IGF2R: variants seen among roughly 807,000 people sequenced by gnomAD.
IGF2R encodes the protein cation-independent mannose-6-phosphate receptor.
IGF2R carries 91 observed loss-of-function variants against 270.6 expected under a neutral mutation model. The ratio of observed to expected loss-of-function variants is 0.34; its 90% CI spans 0.28 to 0.40. The LOEUF is 0.40. IGF2R is among the 10% of genes least tolerant of loss of function. The pLI is 1.00. For synonymous variants in IGF2R, 1,316 were observed against 1,258.9 expected (o/e 1.05, Z -0.96); for missense variants, 2,805 against 3,188.3 (o/e 0.88, Z 2.90).
chr6:160,078,404 G>A (rs1018910511), intron 37 of IGF2R, 42 bp downstream of exon 37: 6 of 1,589,024 alleles, frequency 3.8e-6, no homozygotes, highest in East Asian at 2.2e-5. Flanking sequence ...AGGTGTACCA[G>A]GTGCCAGGTG....
intron 29 of IGF2R, among the ~76,000 whole-genome samples, chr6:160,067,685 T>C (rs1486832931): frequency 6.6e-6 from 1 of 152,238 alleles, no homozygotes; most frequent in Non-Finnish European, 1.5e-5. Flanking sequence ...TCACTGTTAA[T>C]ATTGCTCCTG....
At chr6:160,083,709 G>A (rs1281720149) in intron 39 of IGF2R, among the ~76,000 whole-genome samples, 1 of 152,178 alleles carries the variant, frequency 6.6e-6, no homozygotes, top group African/African-American at 2.4e-5. Context: ...AACAAGGCAC[G>A]TCCTTCACAG....
intron 2 of IGF2R, chr6:160,003,886 G>T (rs1419005288): frequency 6.6e-6 from 1 of 151,800 alleles, no homozygotes; most frequent in East Asian, 2.0e-4. Flanking sequence ...ATTAAATAGG[G>T]TAAGTGTCAC....
chr6:160,105,225 G>A lies in IGF2R; in HGVS notation c.*141G>A. On this transcript the variant is annotated 3_prime_UTR_variant, in exon 48 of 48. Transcript: ENST00000356956. ...AGGGAAGAGTTTTTGTGATGGGGGA[G>A]AGGGTGAAGGAGGTCAGGCCCCACT... 1 of 667,932 alleles carries A rather than the reference G, an allele frequency of 1.5e-6. No homozygotes were observed. The highest frequency in any genetic ancestry group is 1.8e-5 in the African/African-American group (1 of 55,114). The allele number at this position is 667,932 out of a possible 1,614,324, so 41.4% of individuals were successfully genotyped here. A position where few individuals can be genotyped will look rare whatever the true frequency, so the allele number is the denominator to read the frequency against.
chr6:160,089,901 T>C lies in IGF2R; in HGVS notation c.6468-15T>C. On this transcript the variant is annotated splice_polypyrimidine_tract_variant and intron_variant, in intron 43 of 47. Coordinates refer to ENST00000356956, the MANE Select transcript of IGF2R (RefSeq NM_000876.4). ...AAGGACTTCCATGTCACTGTGATCT[T>C]TTCTGTCTCTTCAGGCTGTTCAGAG... 1 of 1,529,680 alleles carries C rather than the reference T, an allele frequency of 6.5e-7. No homozygotes were observed. The highest frequency in any genetic ancestry group is 8.8e-7 in the Non-Finnish European group (1 of 1,136,228). 94.8% of individuals were successfully genotyped at this position (1,529,680 alleles called of 1,614,324 possible). A position where few individuals can be genotyped will look rare whatever the true frequency, so the allele number is the denominator to read the frequency against.
intron 10 of IGF2R, among the ~76,000 whole-genome samples, chr6:160,038,601 G>A (rs1247705584): frequency 2.0e-5 from 3 of 152,112 alleles, no homozygotes; most frequent in African/African-American, 7.2e-5. Flanking sequence ...GAATCTAGTA[G>A]GATTAAACTG....
At position 160,040,664 on chromosome 6, in the gene IGF2R, C is replaced by T. The variant is rs202065634; in HGVS notation, c.1420C>T (p.Leu474Phe). ...CTGTGTTAAGGAGAAGGAAGACCTC[C>T]TCTGCGGTGCCACCGACGGGAAGAA... ...YACVKEKEDL[L>F]CGATDGKKRY... The change falls in exon 11 of 48, where the codon CTC (leucine) becomes TTC (phenylalanine). Residue 474 changes from leucine (L) to phenylalanine (F), a missense_variant. By Grantham distance (22) the Leu-to-Phe change is conservative. Coordinates refer to ENST00000356956, the MANE Select transcript of IGF2R (RefSeq NM_000876.4). 3.3e-5 allele frequency: 53 copies of T among 1,614,220 alleles called. No homozygotes were observed. The Admixed American group carries it at 6.2e-4, about 19-fold the overall frequency.
chr6:159,992,606 AC>A (rs1749568697), intron 2 of IGF2R, among the ~76,000 whole-genome samples: 1 of 151,728 alleles, frequency 6.6e-6, no homozygotes, highest in Non-Finnish European at 1.5e-5. Context: ...AATCACACAC[AC>A]ACACACACAC....
chr6:160,099,853 C>T (rs1244976172), intron 45 of IGF2R, among the ~76,000 whole-genome samples: 1 of 152,096 alleles, frequency 6.6e-6, no homozygotes, highest in Non-Finnish European at 1.5e-5. Flanking sequence ...AAATTTCTTA[C>T]AGTGATAGCA....
intron 39 of IGF2R, among the ~76,000 whole-genome samples, chr6:160,082,548 G>C (rs1406645507): frequency 6.6e-6 from 1 of 152,180 alleles, no homozygotes; most frequent in African/African-American, 2.4e-5. Flanking sequence ...CTGACCTCAT[G>C]ATCCGCCCAC....
intron 1 of IGF2R, among the ~76,000 whole-genome samples, chr6:159,984,313 C>CTTTTTTTTTTAAGTAGATTCAGG (rs1783847760): frequency 6.6e-6 from 1 of 152,148 alleles, no homozygotes; most frequent in African/African-American, 2.4e-5. Flanking sequence ...ATTGTAATGT[C>CTTTTTTTTTTAAGTAGATTCAGG]GTAGCACAAT....
chr6:160,078,353 C>T lies in IGF2R; in HGVS notation c.5469C>T (p.Ser1823=), dbSNP rs750065330. The T allele has an allele frequency of 5.6e-6, 9 of 1,613,968 alleles. 1 individual carries two copies. The highest frequency in any genetic ancestry group is 4.4e-5 in the South Asian group (4 of 91,078). The change falls in exon 37 of 48, where the codon AGC becomes AGT. Residue 1823 remains serine (S), a synonymous_variant. Coordinates refer to ENST00000356956, the MANE Select transcript of IGF2R (RefSeq NM_000876.4). Reference sequence around the variant, plus strand: ...TCAACTTGTCCAGCCTTTCCACGAGCACCTTTAAGGTAATGCGTTCACCCT... The same window carrying T: ...TCAACTTGTCCAGCCTTTCCACGAGTACCTTTAAGGTAATGCGTTCACCCT... ...YSFNLSSLST[S]TFKVTRDSRT... is the part of the protein sequence containing the mutation.
At chr6:159,992,054 G>C (rs1783987231) in intron 2 of IGF2R, among the ~76,000 whole-genome samples, 1 of 152,166 alleles carries the variant, frequency 6.6e-6, no homozygotes, top group South Asian at 2.1e-4. Flanking sequence ...TGTCCGTGGT[G>C]ACCTTTCACT....
Position 160,079,696 on chromosome 6 carries a change from C to T in IGF2R, c.5595C>T (p.Ser1865=). 3 of 1,528,104 alleles carry T rather than the reference C, an allele frequency of 2.0e-6. No homozygotes were observed. Among genetic ancestry groups the T allele is most frequent in the Non-Finnish European group, 1.8e-6 (2 of 1,139,584 alleles). 94.7% of individuals were successfully genotyped at this position (1,528,104 alleles called of 1,614,324 possible). Residue 1865 remains serine (S), a synonymous_variant, in exon 38 of 48, where the codon TCC becomes TCT. Transcript: ENST00000356956. Reference sequence around the variant, plus strand: ...TGCTCTCAGGCACCAAGGGGGCATCCTTTGGACGGCTGCAATCAATGAAAC... The same window carrying T: ...TGCTCTCAGGCACCAAGGGGGCATCTTTTGGACGGCTGCAATCAATGAAAC... The part of the protein sequence containing the change: ...VCLLSGTKGA[S]FGRLQSMKLD...
intron 30 of IGF2R, 47 bp from the exon 31 acceptor site, chr6:160,069,821 C>T (rs1430719408): frequency 1.3e-6 from 2 of 1,572,878 alleles, no homozygotes; most frequent in Admixed American, 1.7e-5. Flanking sequence ...TCTGTTCTAG[C>T]CTGGGGAGTC....
At chr6:160,095,096 C>T (rs1308809906) in intron 44 of IGF2R, 3 of 152,276 alleles carry the variant, frequency 2.0e-5, no homozygotes, top group Non-Finnish European at 4.4e-5. Flanking sequence ...GCCCACGTCA[C>T]TCTACCTCTG....
Position 160,001,507 on chromosome 6 carries a change from C to T in IGF2R, c.290-7503C>T, listed in dbSNP as rs548048203. Among the ~76,000 whole-genome samples, 6 of 152,096 alleles carry T rather than the reference C, an allele frequency of 3.9e-5. No individual in the cohort carries two copies. In the East Asian group the frequency reaches 5.8e-4, roughly 15 times the overall value. ...TAAATGTAATATGCTTGAATCATCC[C>T]GAAACCATCCCACCCCCAGTCCAAG... On this transcript the variant is annotated intron_variant, in intron 2 of 47. Coordinates refer to ENST00000356956, the MANE Select transcript of IGF2R (RefSeq NM_000876.4).
chr6:160,092,397 C>G (rs1334332642), intron 44 of IGF2R, among the ~76,000 whole-genome samples: 1 of 152,270 alleles, frequency 6.6e-6, no homozygotes, highest in East Asian at 1.9e-4. Flanking sequence ...CATAAGACCT[C>G]CACGTTCACA....
intron 41 of IGF2R, 44 bp from the exon 42 acceptor site, chr6:160,087,988 TA>T: frequency 7.7e-7 from 1 of 1,295,728 alleles, no homozygotes; most frequent in South Asian, 1.2e-5. Context: ...AGGCTTTTTA[TA>T]ATGCACTAGA....
Sources: gnomAD v4.1 joint callset for allele counts (sites outside exome capture counted in the v4.1 genomes callset) on GRCh38, gnomAD v4.1.1 for gene constraint, MANE v1.5 for transcripts, NCBI Gene and HGNC (gene_info 2026-07-23, HGNC 2026-07-21) for gene names.